IMMP2L: variants seen among roughly 807,000 people sequenced by gnomAD.
IMMP2L encodes the protein mitochondrial inner membrane protease subunit 2.
A neutral mutation model predicts 19.3 loss-of-function variants in IMMP2L; 18 were observed. The ratio of observed to expected loss-of-function variants is 0.93; its 90% confidence interval spans 0.64 to 1.38. The LOEUF is 1.38. IMMP2L is among the 40% of genes most tolerant of loss of function. The probability of loss-of-function intolerance (pLI) is 0.00; values close to 1 mark genes in which losing one functional copy is unlikely to be tolerated. For missense variants in IMMP2L, 233 were observed against 218.2 expected (o/e 1.07, Z -0.43); for synonymous variants, 76 against 73.0 (o/e 1.04, Z -0.21).
At chr7:111,153,873 C>G (rs1804341522) in intron 3 of IMMP2L, among the ~76,000 whole-genome samples, 1 of 152,022 alleles carries the variant, frequency 6.6e-6, no homozygotes, top group Non-Finnish European at 1.5e-5. Flanking sequence ...CTTTTTCTCC[C>G]TAACTGCACA....
chr7:110,801,656 C>G (rs1028476829), intron 5 of IMMP2L, among the ~76,000 whole-genome samples: 1 of 151,968 alleles, frequency 6.6e-6, no homozygotes, highest in Non-Finnish European at 1.5e-5. Flanking sequence ...AGTTGTGAAC[C>G]CTCTGATACT....
At chr7:111,447,454 A>G (rs1236172748) in intron 3 of IMMP2L, among the ~76,000 whole-genome samples, 6 of 150,580 alleles carry the variant, frequency 4.0e-5, no homozygotes, top group South Asian at 2.1e-4. Context: ...ATCCAGCCAA[A>G]CTAAGCTTCA....
chr7:110,781,988 G>T (rs1799776294), intron 5 of IMMP2L, among the ~76,000 whole-genome samples: 1 of 151,872 alleles, frequency 6.6e-6, no homozygotes, highest in South Asian at 2.1e-4. Flanking sequence ...CTTTGAATAT[G>T]AAGTTTATCC....
At chr7:110,705,904 T>C (rs1168029621) in intron 5 of IMMP2L, among the ~76,000 whole-genome samples, 1 of 152,128 alleles carries the variant, frequency 6.6e-6, no homozygotes, top group Non-Finnish European at 1.5e-5. Context: ...TTCATTCTTT[T>C]TATGGCTGCG....
intron 3 of IMMP2L, among the ~76,000 whole-genome samples, chr7:111,000,323 T>C (rs1823527487): frequency 6.6e-6 from 1 of 152,106 alleles, no homozygotes; most frequent in Non-Finnish European, 1.5e-5. Flanking sequence ...GTATACTATC[T>C]CTAAATAAAA....
At chr7:110,789,466 C>T (rs368795746) in intron 5 of IMMP2L, among the ~76,000 whole-genome samples, 3 of 151,718 alleles carry the variant, frequency 2.0e-5, no homozygotes, top group Non-Finnish European at 4.4e-5. Flanking sequence ...CAGGATCCTA[C>T]GACTTCATAC....
chr7:111,052,031 G>A (rs1585973026), intron 3 of IMMP2L, among the ~76,000 whole-genome samples: 2 of 152,216 alleles, frequency 1.3e-5, no homozygotes, highest in Admixed American at 1.3e-4. Flanking sequence ...TTAAAATAGA[G>A]GTCATCAGAA....
chr7:110,940,646 G>A (rs527468782), intron 4 of IMMP2L, among the ~76,000 whole-genome samples: 50 of 152,124 alleles, frequency 3.3e-4, no homozygotes, highest in Non-Finnish European at 5.1e-4. Context: ...CATCTATAAC[G>A]TGAGTGCGAA....
chr7:111,393,056 C>A (rs1832525023), intron 3 of IMMP2L: 1 of 317,302 alleles, frequency 3.2e-6, no homozygotes, highest in Non-Finnish European at 6.3e-6. Context: ...AATCTCCAGC[C>A]CCTTTGCCCT....
chr7:111,273,052 C>A (rs1818643830), intron 3 of IMMP2L, among the ~76,000 whole-genome samples: 1 of 151,972 alleles, frequency 6.6e-6, no homozygotes, highest in African/African-American at 2.4e-5. Flanking sequence ...TGGAGGCGGG[C>A]AAACCACTTG....
chr7:111,310,577 C>T (rs182385195), intron 3 of IMMP2L, among the ~76,000 whole-genome samples: 6 of 151,996 alleles, frequency 3.9e-5, no homozygotes, highest in Admixed American at 1.3e-4. Context: ...AAGAAATGTT[C>T]TTTGGTTTAA....
chr7:111,123,158 C>A lies in IMMP2L; in HGVS notation c.240-159593G>T. On this transcript the variant is annotated intron_variant, in intron 3 of 5. Transcript: ENST00000405709. The surrounding 1 kb of genome is among the most constrained non-coding windows in gnomAD (Gnocchi z 6.4). ...GTGTACCTAGAGGAAAACAAACTTA[C>A]TGAACTGCCTGAAAAATGTCTGTCC... is the stretch of plus-strand genomic sequence containing the variant. The A allele has an allele frequency of 6.2e-7, 1 of 1,613,970 alleles. No individual in the cohort carries two copies. The highest frequency in any genetic ancestry group is 8.5e-7 in the Non-Finnish European group (1 of 1,179,962).
chr7:111,496,999 T>C (rs1376051435), intron 2 of IMMP2L, among the ~76,000 whole-genome samples: 1 of 152,148 alleles, frequency 6.6e-6, no homozygotes, highest in Non-Finnish European at 1.5e-5. Context: ...TTTCTTAATT[T>C]TTCTTTTAAA....
intron 3 of IMMP2L, among the ~76,000 whole-genome samples, chr7:111,166,530 G>A (rs1413564301): frequency 2.0e-5 from 3 of 151,946 alleles, no homozygotes; most frequent in African/African-American, 7.3e-5. Context: ...ATTACCCTAA[G>A]GTAGTGCCAA....
chr7:110,814,731 A>G (rs181849529), intron 5 of IMMP2L, among the ~76,000 whole-genome samples: 30 of 149,538 alleles, frequency 2.0e-4, no homozygotes, highest in African/African-American at 6.6e-4. Context: ...ATATATATAA[A>G]ATTTAGCTGT....
intron 1 of IMMP2L, among the ~76,000 whole-genome samples, chr7:111,523,511 T>A (rs903833306): frequency 6.6e-6 from 1 of 152,116 alleles, no homozygotes; most frequent in African/African-American, 2.4e-5. Flanking sequence ...AATTGGCTAA[T>A]TCTGAATTAC....
intron 3 of IMMP2L, among the ~76,000 whole-genome samples, chr7:111,280,439 AATATCC>A (rs1268663310): frequency 2.6e-5 from 4 of 152,190 alleles, no homozygotes; most frequent in Non-Finnish European, 5.9e-5. Flanking sequence ...ACAGTGTGAG[AATATCC>A]TTTATATACT....
chr7:111,389,386 T>G (rs1175309163), intron 3 of IMMP2L, among the ~76,000 whole-genome samples: 1 of 152,098 alleles, frequency 6.6e-6, no homozygotes, highest in Non-Finnish European at 1.5e-5. Context: ...ATTGAATCTG[T>G]GTAATAGACG....
At chr7:110,722,055 C>G (rs1469894612) in intron 5 of IMMP2L, among the ~76,000 whole-genome samples, 4 of 151,920 alleles carry the variant, frequency 2.6e-5, no homozygotes, top group Admixed American at 2.6e-4. Flanking sequence ...TTTGAGCTGG[C>G]ATTTAAAAGA....
Sources: allele counts gnomAD v4.1 joint callset (sites outside exome capture counted in the v4.1 genomes callset), GRCh38; gene constraint gnomAD v4.1.1; non-coding constraint Gnocchi (gnomAD v3.1); transcripts MANE v1.5; gene names NCBI Gene and HGNC (gene_info 2026-07-23, HGNC 2026-07-21).